Variants in SLC6A2 observed in about 807,000 individuals in gnomAD.
SLC6A2 encodes the protein solute carrier family 6 member 2.
In SLC6A2, 26 loss-of-function variants were observed where a neutral mutation model predicts 71.7. The ratio of observed to expected loss-of-function variants is 0.36; its 90% CI spans 0.27 to 0.50. The LOEUF (loss-of-function observed/expected upper bound fraction) is 0.50. Ranked by LOEUF, SLC6A2 falls within the 20% of genes least tolerant of loss-of-function variation. The probability of loss-of-function intolerance (pLI) is 0.96; values close to 1 mark genes in which losing one functional copy is unlikely to be tolerated. For synonymous variants in SLC6A2, 363 were observed against 337.9 expected (o/e 1.07, Z -0.82); for missense variants, 581 against 803.9 (o/e 0.72, Z 3.35).
chr16:55,672,376 G>T (rs1366249015), intron 4 of SLC6A2, among the ~76,000 whole-genome samples: 4 of 152,208 alleles, frequency 2.6e-5, no homozygotes, highest in African/African-American at 9.7e-5. Context: ...GCGTTCTGGG[G>T]CAGGGAAGTG....
At chr16:55,697,760 A>G (rs969210732) in intron 9 of SLC6A2, 137 bp from the exon 10 acceptor site, 28 of 806,334 alleles carry the variant, frequency 3.5e-5, no homozygotes, top group African/African-American at 5.1e-5. Context: ...GGAAGGCAGG[A>G]CGTGCTGATT....
At chr16:55,677,318 A>T (rs1965120838) in intron 4 of SLC6A2, among the ~76,000 whole-genome samples, 1 of 151,678 alleles carries the variant, frequency 6.6e-6, no homozygotes, top group Non-Finnish European at 1.5e-5. Flanking sequence ...GATTGGTTGC[A>T]CCCTCTCCCC....
intron 4 of SLC6A2, among the ~76,000 whole-genome samples, chr16:55,678,590 C>A (rs778883632): frequency 2.6e-5 from 4 of 152,170 alleles, no homozygotes; most frequent in African/African-American, 9.7e-5. Context: ...AGAAACTCTG[C>A]AGCTCTGTAA....
At position 55,694,051 on chromosome 16, in the gene SLC6A2, G is replaced by A; in HGVS notation, c.960G>A (p.Gly320=). The A allele has an allele frequency of 1.2e-6, 2 of 1,613,948 alleles. No homozygotes were observed. The highest frequency in any genetic ancestry group is 8.5e-7 in the Non-Finnish European group (1 of 1,179,832). ...CAACTCAGATATTTTTTTCCTTGGG[G>A]GCTGGATTTGGAGTATTGATTGCAT... ...DAATQIFFSL[G]AGFGVLIAFA... The change falls in exon 7 of 15, where the codon GGG becomes GGA. Residue 320 remains glycine, a synonymous_variant. Coordinates refer to ENST00000568943, the MANE Select transcript of SLC6A2 (RefSeq NM_001172501.3).
At chr16:55,657,501 T>C (rs2142476514) in intron 2 of SLC6A2, among the ~76,000 whole-genome samples, 1 of 152,274 alleles carries the variant, frequency 6.6e-6, no homozygotes, top group African/African-American at 2.4e-5. Context: ...TGAAGGCACC[T>C]GGGGAGGCCC....
At chr16:55,662,606 G>A (rs1162346290) in intron 2 of SLC6A2, among the ~76,000 whole-genome samples, 2 of 152,160 alleles carry the variant, frequency 1.3e-5, no homozygotes, top group Non-Finnish European at 2.9e-5. Context: ...CTAAGATGGA[G>A]GAAATGGAAA....
In SLC6A2 at chr16:55,699,500, T is replaced by A; in HGVS notation, c.1490-54T>A. 3 of 1,417,790 alleles carry A rather than the reference T, an allele frequency of 2.1e-6. No homozygotes were observed. The East Asian group carries it at 6.8e-5, about 32-fold the overall frequency. 87.8% of individuals were successfully genotyped at this position (1,417,790 alleles called of 1,614,324 possible). ...GGGGCCAGAACCTCATGGGAGGACC[T>A]GGCCCTGGCTATCATGGGGGCCATG... On this transcript the variant is annotated intron_variant, in intron 11 of 14. Transcript: ENST00000568943.
At chr16:55,693,754 G>A (rs1965710002) in intron 6 of SLC6A2, among the ~76,000 whole-genome samples, 1 of 152,174 alleles carries the variant, frequency 6.6e-6, no homozygotes, top group African/African-American at 2.4e-5. Context: ...GCATGAAATT[G>A]AGTGAATGAG....
intron 13 of SLC6A2, among the ~76,000 whole-genome samples, chr16:55,701,037 C>T (rs1965958128): frequency 6.6e-6 from 1 of 152,054 alleles, no homozygotes. Context: ...TCCTTCATTC[C>T]TTTATCCACT....
intron 4 of SLC6A2, among the ~76,000 whole-genome samples, chr16:55,679,364 C>T (rs1364769807): frequency 6.6e-6 from 1 of 151,972 alleles, no homozygotes; most frequent in African/African-American, 2.4e-5. Context: ...GTAGCTGGGA[C>T]TACAGGTGTG....
intron 12 of SLC6A2, among the ~76,000 whole-genome samples, chr16:55,699,868 G>A (rs1278729524): frequency 2.6e-5 from 4 of 152,092 alleles, no homozygotes; most frequent in Non-Finnish European, 5.9e-5. Context: ...GTCCCCGGGG[G>A]CTGTTATGCC....
rs1429633667 is a variant in SLC6A2, at chr16:55,684,492, G to T, written c.645-651G>T. 5.3e-5 allele frequency among the ~76,000 whole-genome samples: 8 copies of T among 152,254 alleles called. 1 individual carries two copies. The highest frequency in any genetic ancestry group is 4.6e-4 in the Admixed American group (7 of 15,298). On this transcript the variant is annotated intron_variant, in intron 4 of 14. Coordinates refer to ENST00000568943, the MANE Select transcript of SLC6A2 (RefSeq NM_001172501.3). ...ATATTCTATTGAGTCAATACCTAGG[G>T]CACAGGATAAGCCTATCTTCAGCTT...
At position 55,695,314 on chromosome 16, in the gene SLC6A2, C is replaced by T; in HGVS notation, c.1059C>T (p.Thr353=). 1 of 1,614,224 alleles carries T rather than the reference C, an allele frequency of 6.2e-7. No individual in the cohort carries two copies. The highest frequency in any genetic ancestry group is 2.2e-5 in the East Asian group (1 of 44,868). The change falls in exon 8 of 15, where the codon ACC becomes ACT. Residue 353 remains threonine (T), a synonymous_variant. Coordinates refer to ENST00000568943, the MANE Select transcript of SLC6A2 (RefSeq NM_001172501.3). ...ALLTSSINCI[T]SFVSGFAIFS... ...TGACCAGCAGCATCAACTGTATCAC[C>T]AGCTTCGTCTCTGGGTTCGCCATCT...
At chr16:55,665,008 G>A (rs2142497001) in intron 2 of SLC6A2, among the ~76,000 whole-genome samples, 1 of 152,274 alleles carries the variant, frequency 6.6e-6, no homozygotes, top group Non-Finnish European at 1.5e-5. Context: ...TTTGTGGTGT[G>A]GGCTGTGCTG....
intron 2 of SLC6A2, among the ~76,000 whole-genome samples, chr16:55,658,684 G>A (rs1964527141): frequency 6.6e-6 from 1 of 152,196 alleles, no homozygotes; most frequent in Non-Finnish European, 1.5e-5. Context: ...AGATGGGTCT[G>A]TCATTGTCAG....
chr16:55,672,678 G>T (rs936232901), intron 4 of SLC6A2, among the ~76,000 whole-genome samples: 6 of 152,328 alleles, frequency 3.9e-5, no homozygotes, highest in Admixed American at 3.3e-4. Flanking sequence ...TGACCCTGAA[G>T]CTGTAGTCTG....
chr16:55,681,357 A>G (rs1430050016), intron 4 of SLC6A2, among the ~76,000 whole-genome samples: 3 of 152,180 alleles, frequency 2.0e-5, no homozygotes, highest in Non-Finnish European at 4.4e-5. Flanking sequence ...CTCCACAGCC[A>G]TGCCACCAGC....
At chr16:55,668,262 G>A (rs1280690520) in intron 2 of SLC6A2, among the ~76,000 whole-genome samples, 1 of 152,134 alleles carries the variant, frequency 6.6e-6, no homozygotes, top group Admixed American at 6.5e-5. Context: ...CTTTGCCACA[G>A]TTCTTTGCTA....
chr16:55,695,214 C>A, intron 7 of SLC6A2, 64 bp from the exon 8 acceptor site: 7 of 1,605,710 alleles, frequency 4.4e-6, no homozygotes, highest in Non-Finnish European at 5.1e-6. Context: ...ATAGCCAGTC[C>A]AGCAGTCAAA....
Sources: allele counts gnomAD v4.1 joint callset (sites outside exome capture counted in the v4.1 genomes callset), GRCh38; gene constraint gnomAD v4.1.1; transcripts MANE v1.5; gene names NCBI Gene and HGNC (gene_info 2026-07-23, HGNC 2026-07-21).